The following ST8SIA1 variants were observed in gnomAD, a reference collection of about 807,000 sequenced individuals.
ST8SIA1 encodes the protein alpha-N-acetylneuraminide alpha-2,8-sialyltransferase.
In ST8SIA1, 16 loss-of-function variants were observed where a neutral mutation model predicts 35.9. That is an observed-to-expected ratio of 0.45 (90% CI 0.30 to 0.68). The LOEUF (loss-of-function observed/expected upper bound fraction) is 0.68, where lower values mean the gene tolerates loss of function less well. Ranked by LOEUF, ST8SIA1 falls within the 30% of genes least tolerant of loss-of-function variation. The pLI is 0.09. For missense variants in ST8SIA1, 383 were observed against 453.6 expected, an observed-to-expected ratio of 0.84 and a Z score of 1.41; for synonymous variants, 170 against 169.6, an observed-to-expected ratio of 1.00 and a Z score of -0.02.
intron 4 of ST8SIA1, among the ~76,000 whole-genome samples, chr12:22,241,054 C>G (rs959835613): frequency 6.6e-6 from 1 of 150,454 alleles, no homozygotes; most frequent in African/African-American, 2.5e-5. Context: ...AACCTTAACC[C>G]TAACCCTAAC....
At chr12:22,221,692 T>C (rs538731375) in intron 4 of ST8SIA1, among the ~76,000 whole-genome samples, 1 of 152,364 alleles carries the variant, frequency 6.6e-6, no homozygotes, top group South Asian at 2.1e-4. Context: ...GAGTTAATTA[T>C]ATTACAGTTG....
At position 22,194,375 on chromosome 12, in the gene ST8SIA1, C is replaced by G. The variant is rs1041316560; in HGVS notation, c.*7177G>C. 2 of 152,182 alleles carry G rather than the reference C, an allele frequency of 1.3e-5. No individual in the cohort carries two copies. The highest frequency in any genetic ancestry group is 2.9e-5 in the Non-Finnish European group (2 of 68,048). 9.4% of individuals were successfully genotyped at this position (152,182 alleles called of 1,614,324 possible). The stretch of plus-strand genomic sequence containing the variant: ...AGGATATTTACATACTATTATCAGA[C>G]TTCTCCAAGGCCTATAAACTATTGT... On this transcript the variant is annotated 3_prime_UTR_variant, in exon 5 of 5. Coordinates refer to ENST00000396037, the MANE Select transcript of ST8SIA1 (RefSeq NM_003034.4).
intron 4 of ST8SIA1, among the ~76,000 whole-genome samples, chr12:22,205,766 T>C (rs920398930): frequency 6.6e-6 from 1 of 151,848 alleles, no homozygotes; most frequent in South Asian, 2.1e-4. Context: ...AAATCTATGT[T>C]ACAAAAACTA....
intron 4 of ST8SIA1, among the ~76,000 whole-genome samples, chr12:22,212,598 A>C (rs1356274659): frequency 6.6e-6 from 1 of 152,236 alleles, no homozygotes; most frequent in Non-Finnish European, 1.5e-5. Context: ...TTTAAAAAAA[A>C]TTGTAACAGT....
chr12:22,280,036 A>C (rs1866015698), intron 2 of ST8SIA1, among the ~76,000 whole-genome samples: 1 of 152,260 alleles, frequency 6.6e-6, no homozygotes, highest in Non-Finnish European at 1.5e-5. Context: ...CTCTGTGCAT[A>C]GTCATACCTC....
intron 4 of ST8SIA1, among the ~76,000 whole-genome samples, chr12:22,220,383 T>C (rs900424113): frequency 6.6e-6 from 1 of 152,150 alleles, no homozygotes; most frequent in Admixed American, 6.5e-5. Context: ...GTTTAATAAA[T>C]GCATATTGAA....
intron 1 of ST8SIA1, among the ~76,000 whole-genome samples, chr12:22,300,913 T>C (rs1028393298): frequency 6.6e-6 from 1 of 152,180 alleles, no homozygotes; most frequent in Non-Finnish European, 1.5e-5. Flanking sequence ...ATAGGAAGCA[T>C]CGTCAAATCT....
chr12:22,239,426 A>G (rs1865514251), intron 4 of ST8SIA1, among the ~76,000 whole-genome samples: 1 of 152,088 alleles, frequency 6.6e-6, no homozygotes, highest in South Asian at 2.1e-4. Flanking sequence ...TCCAGTTCAC[A>G]AATTCTCTCT....
intron 4 of ST8SIA1, among the ~76,000 whole-genome samples, chr12:22,244,870 T>G (rs1475087639): frequency 6.6e-6 from 1 of 152,204 alleles, no homozygotes; most frequent in East Asian, 1.9e-4. Flanking sequence ...TTTGAAAAGT[T>G]TATACTTCTT....
rs554794540 is a variant in ST8SIA1, at chr12:22,313,157, C to T, written c.236+20840G>A. 1.6e-4 allele frequency among the ~76,000 whole-genome samples: 24 copies of T among 152,210 alleles called. No individual in the cohort carries two copies. The South Asian group carries it at 2.9e-3, about 18-fold the overall frequency. The stretch of plus-strand genomic sequence containing the variant: ...CATAGCCTCTCTAAGCCTTAGTTTT[C>T]GCAACTGCACAATAGAAATTAAATA... On this transcript the variant is annotated intron_variant, in intron 1 of 4. Transcript: ENST00000396037.
At chr12:22,255,219 T>C (rs1591836085) in intron 3 of ST8SIA1, 61 bp downstream of exon 3, 2 of 1,367,260 alleles carry the variant, frequency 1.5e-6, no homozygotes, top group East Asian at 4.6e-5. Flanking sequence ...CCCCAGGGCT[T>C]ATGGGAGGGG....
chr12:22,312,728 A>T lies in ST8SIA1; in HGVS notation c.236+21269T>A, dbSNP rs35520685. Among the ~76,000 whole-genome samples the T allele has an allele frequency of 8.4e-3, 1,282 of 151,728 alleles. 16 individuals carry two copies. Among genetic ancestry groups the T allele is most frequent in the African/African-American group, 0.029 (1,208 of 41,270 alleles). The stretch of plus-strand genomic sequence containing the variant: ...TCACGGAAATGAAAAAAAAAAAAAA[A>T]CAATAAATTTGTAAAAATAATTTGG... On this transcript the variant is annotated intron_variant, in intron 1 of 4. Transcript: ENST00000396037.
chr12:22,269,890 T>C (rs930310800), intron 2 of ST8SIA1, among the ~76,000 whole-genome samples: 2 of 152,170 alleles, frequency 1.3e-5, no homozygotes, highest in Non-Finnish European at 2.9e-5. Context: ...AGTTAATTCT[T>C]TAAGATAAAT....
At position 22,304,332 on chromosome 12, in the gene ST8SIA1, T is replaced by C. The variant is rs887250127; in HGVS notation, c.237-17039A>G. 4.2e-5 allele frequency among the ~76,000 whole-genome samples: 5 copies of C among 119,912 alleles called. No homozygotes were observed. The East Asian group carries it at 8.9e-4, about 21-fold the overall frequency. 78.7% of individuals were successfully genotyped at this position (119,912 alleles called of 152,430 possible). ...CTCCTAGGACCTTGTCTTTTTCTTTTTCTTTTTTTTTTTTTTTTTTTTTGA... is the reference window on the plus strand; with the variant it reads ...CTCCTAGGACCTTGTCTTTTTCTTTCTCTTTTTTTTTTTTTTTTTTTTTGA... On this transcript the variant is annotated intron_variant, in intron 1 of 4. Transcript: ENST00000396037.
chr12:22,213,461 G>C lies in ST8SIA1; in HGVS notation c.585-11423C>G, dbSNP rs560650245. On this transcript the variant is annotated intron_variant, in intron 4 of 4. Coordinates refer to ENST00000396037, the MANE Select transcript of ST8SIA1 (RefSeq NM_003034.4). ...ACCTAGACTGGCGATGTTGCTAAGA[G>C]AGAAGAAAGTTAGGGCAGGCCTTTC... 1.4e-4 allele frequency among the ~76,000 whole-genome samples: 22 copies of C among 152,278 alleles called. No individual in the cohort carries two copies. The South Asian group carries it at 4.1e-3, about 29-fold the overall frequency.
At chr12:22,244,324 T>C (rs1052405760) in intron 4 of ST8SIA1, among the ~76,000 whole-genome samples, 2 of 152,136 alleles carry the variant, frequency 1.3e-5, no homozygotes, top group Non-Finnish European at 2.9e-5. Context: ...AGAACACTTC[T>C]AGCAATCCAG....
chr12:22,323,889 C>A (rs933768943), intron 1 of ST8SIA1, among the ~76,000 whole-genome samples: 3 of 152,084 alleles, frequency 2.0e-5, no homozygotes, highest in African/African-American at 7.2e-5. Flanking sequence ...GGAAGGATAG[C>A]TAACGAATGC....
At chr12:22,280,305 G>A (rs923961089) in intron 2 of ST8SIA1, among the ~76,000 whole-genome samples, 11 of 151,702 alleles carry the variant, frequency 7.3e-5, no homozygotes, top group Non-Finnish European at 1.0e-4. Flanking sequence ...ACTAATCAAA[G>A]AAAAAAAACT....
At chr12:22,267,633 C>G (rs888428304) in intron 2 of ST8SIA1, among the ~76,000 whole-genome samples, 3 of 152,190 alleles carry the variant, frequency 2.0e-5, no homozygotes, top group Non-Finnish European at 2.9e-5. Flanking sequence ...TCACACATTC[C>G]TACCTTTACT....
Sources: gnomAD v4.1 joint callset for allele counts (sites outside exome capture counted in the v4.1 genomes callset) on GRCh38, gnomAD v4.1.1 for gene constraint, MANE v1.5 for transcripts, NCBI Gene and HGNC (gene_info 2026-07-23, HGNC 2026-07-21) for gene names.